Variants in RARB observed in about 807,000 individuals in gnomAD.
RARB encodes HBV-activated protein.
A neutral mutation model predicts 51.9 loss-of-function variants in RARB; 17 were observed. The observed-to-expected ratio is 0.33, with a 90% CI of 0.22 to 0.49. The LOEUF is 0.49. Among genes scored for constraint, RARB ranks in the 20% least tolerant of loss-of-function variants. RARB has a pLI of 0.99. For synonymous variants in RARB, 215 were observed against 195.4 expected (o/e 1.10, Z -0.84); for missense variants, 369 against 550.8 (o/e 0.67, Z 3.30).
At chr3:25,322,219 CG>C (rs1053607550) in intron 5 of RARB, among the ~76,000 whole-genome samples, 30 of 25,586 alleles carry the variant, frequency 1.2e-3, no homozygotes, top group African/African-American at 4.2e-3. Flanking sequence ...TGTTGGGGGG[CG>C]GGGGGGAAGC....
At chr3:25,320,223 T>C (rs1285748177) in intron 5 of RARB, among the ~76,000 whole-genome samples, 1 of 152,164 alleles carries the variant, frequency 6.6e-6, no homozygotes, top group African/African-American at 2.4e-5. Flanking sequence ...ATTGCCAGGA[T>C]GTTTTCAGAA....
intron 2 of RARB, among the ~76,000 whole-genome samples, chr3:24,905,150 C>T (rs1000107223): frequency 6.6e-6 from 1 of 152,000 alleles, no homozygotes; most frequent in Admixed American, 6.6e-5. Flanking sequence ...ATAAAATAAC[C>T]AAAGCCTTTA....
At chr3:25,554,790 G>A (rs1159389639) in intron 3 of RARB, among the ~76,000 whole-genome samples, 1 of 152,154 alleles carries the variant, frequency 6.6e-6, no homozygotes, top group African/African-American at 2.4e-5. Context: ...TCAAGGCACT[G>A]CATCTAGTCT....
intron 5 of RARB, among the ~76,000 whole-genome samples, chr3:25,416,654 A>G (rs945503269): frequency 6.6e-6 from 1 of 152,230 alleles, no homozygotes; most frequent in Non-Finnish European, 1.5e-5. Context: ...AGCAAAGACA[A>G]TATGTAAACA....
At chr3:25,140,441 G>C (rs1700091333) in intron 4 of RARB, among the ~76,000 whole-genome samples, 1 of 152,150 alleles carries the variant, frequency 6.6e-6, no homozygotes, top group African/African-American at 2.4e-5. Context: ...AATAGCAAGA[G>C]AGCAAGAATC....
chr3:25,067,887 A>G (rs564960370), intron 3 of RARB, among the ~76,000 whole-genome samples: 1 of 152,078 alleles, frequency 6.6e-6, no homozygotes, highest in Non-Finnish European at 1.5e-5. Flanking sequence ...CTGTAATCCC[A>G]GCACTTTGGG....
chr3:25,336,375 A>G (rs1451100439), intron 5 of RARB, among the ~76,000 whole-genome samples: 1 of 152,152 alleles, frequency 6.6e-6, no homozygotes, highest in Non-Finnish European at 1.5e-5. Flanking sequence ...AGTACTTACT[A>G]TTTTCTAATA....
intron 5 of RARB, among the ~76,000 whole-genome samples, chr3:25,415,662 T>G (rs530814458): frequency 4.6e-5 from 7 of 152,342 alleles, no homozygotes; most frequent in African/African-American, 1.7e-4. Context: ...TTCTAATAAT[T>G]AGTCCTAATT....
intron 3 of RARB, among the ~76,000 whole-genome samples, chr3:25,082,176 T>C (rs1559459786): frequency 6.6e-6 from 1 of 152,164 alleles, no homozygotes; most frequent in East Asian, 1.9e-4. Context: ...ATTTTTGCTT[T>C]TAAAGAGTGT....
chr3:24,862,963 T>C (rs1394636616), intron 2 of RARB, among the ~76,000 whole-genome samples: 1 of 152,120 alleles, frequency 6.6e-6, no homozygotes, highest in Non-Finnish European at 1.5e-5. Flanking sequence ...TGAGGCAAAC[T>C]TTTGAAGTAC....
intron 5 of RARB, among the ~76,000 whole-genome samples, chr3:25,323,618 G>T (rs879710345): frequency 4.6e-5 from 7 of 152,112 alleles, no homozygotes; most frequent in African/African-American, 1.4e-4. Flanking sequence ...CATCCATTTT[G>T]ATATGAAACA....
chr3:24,939,865 T>C (rs1695623005), intron 2 of RARB, among the ~76,000 whole-genome samples: 1 of 152,218 alleles, frequency 6.6e-6, no homozygotes, highest in African/African-American at 2.4e-5. Flanking sequence ...TGACCATGAC[T>C]ACTAACATAC....
At chr3:25,078,503 C>CT (rs1392218080) in intron 3 of RARB, among the ~76,000 whole-genome samples, 1 of 149,334 alleles carries the variant, frequency 6.7e-6, no homozygotes, top group Non-Finnish European at 1.5e-5. Context: ...GTAACTGTAA[C>CT]TTTAAGATAG....
chr3:25,300,821 C>G (rs909486332), intron 5 of RARB, among the ~76,000 whole-genome samples: 1 of 152,020 alleles, frequency 6.6e-6, no homozygotes, highest in African/African-American at 2.4e-5. Context: ...GAAACCCTAT[C>G]TCTACTAAAA....
rs571908907 is a variant in RARB, at chr3:25,196,473, A to T, written c.178+21898A>T. ...ATTTTCTTAATCCAGTCTATCATTG[A>T]TGGACATTTGGGTTGGTTCCAAGTC... On this transcript the variant is annotated intron_variant, in intron 5 of 11. Coordinates refer to the RARB transcript ENST00000383772. 7.2e-5 allele frequency among the ~76,000 whole-genome samples: 11 copies of T among 152,196 alleles called. No individual in the cohort carries two copies. The East Asian group carries it at 2.1e-3, about 29-fold the overall frequency.
intron 5 of RARB, among the ~76,000 whole-genome samples, chr3:25,205,374 G>T (rs891818321): frequency 1.3e-5 from 2 of 152,054 alleles, no homozygotes; most frequent in Non-Finnish European, 2.9e-5. Flanking sequence ...TGCACTTCCC[G>T]GGTGAGGCAA....
At chr3:24,958,200 C>T (rs1037736626) in intron 2 of RARB, among the ~76,000 whole-genome samples, 5 of 134,474 alleles carry the variant, frequency 3.7e-5, no homozygotes, top group East Asian at 2.5e-4. Flanking sequence ...AACTGTTGGA[C>T]GTGTTAAAAA....
At chr3:25,008,817 A>G (rs922739843) in intron 2 of RARB, among the ~76,000 whole-genome samples, 4 of 152,098 alleles carry the variant, frequency 2.6e-5, no homozygotes, top group African/African-American at 9.7e-5. Flanking sequence ...GACATTCCCA[A>G]TATAATGCAG....
exon 5 of RARB, chr3:25,174,445 C>T (rs1185671673): frequency 3.0e-6 from 4 of 1,352,022 alleles, no homozygotes; most frequent in Admixed American, 1.9e-5. Flanking sequence ...TGAACGGACA[C>T]ATGACTCACT....
Sources: allele counts gnomAD v4.1 joint callset (sites outside exome capture counted in the v4.1 genomes callset), GRCh38; gene constraint gnomAD v4.1.1; transcripts MANE v1.5; gene names NCBI Gene and HGNC (gene_info 2026-07-23, HGNC 2026-07-21).